Variants in TOM1L1 observed in about 807,000 individuals in gnomAD.
TOM1L1 encodes target of myb1 like 1 membrane trafficking protein.
In TOM1L1, 64 loss-of-function variants were observed where a neutral mutation model predicts 63.4. That is an observed-to-expected ratio of 1.01 (90% CI 0.83 to 1.24). TOM1L1 has a LOEUF of 1.24. TOM1L1 is among the 50% of genes most tolerant of loss of function. The pLI is 0.00. For synonymous variants in TOM1L1, 166 were observed against 194.4 expected (o/e 0.85, Z 1.22); for missense variants, 536 against 567.0 (o/e 0.95, Z 0.55).
chr17:54,924,648 C>T (rs1323487389), intron 7 of TOM1L1, among the ~76,000 whole-genome samples: 1 of 152,212 alleles, frequency 6.6e-6, no homozygotes, highest in Non-Finnish European at 1.5e-5. Flanking sequence ...GCATGGTCGT[C>T]AGCTGTCTTT....
intron 4 of TOM1L1, among the ~76,000 whole-genome samples, chr17:54,913,241 C>A (rs867767653): frequency 5.3e-5 from 8 of 152,178 alleles, no homozygotes; most frequent in Middle Eastern, 3.2e-3. Context: ...GCATGGAAAT[C>A]TGATTTAAAA....
chr17:54,957,146 T>C (rs1046491634), intron 14 of TOM1L1: 4 of 152,248 alleles, frequency 2.6e-5, no homozygotes, highest in Non-Finnish European at 4.4e-5. Context: ...CCCTCCTATC[T>C]GCTTCCAGCC....
chr17:54,937,167 G>C lies in TOM1L1; in HGVS notation c.974G>C (p.Arg325Pro), dbSNP rs199889989. Reference protein sequence around the residue: ...QDLLDLSPSPRMPRATLGELN... With the variant: ...QDLLDLSPSPPMPRATLGELN... ...CTCCTCGACCTAAGTCCCAGTCCCC[G>C]GATGCCTAGGGCCACTCTGGGAGAA... The change falls in exon 10 of 16, where the codon CGG becomes CCG. Residue 325 changes from arginine (R) to proline (P), a missense_variant. Physicochemically the swap from Arg to Pro is moderately radical, Grantham distance 103. Transcript: ENST00000575882. 1.2e-6 allele frequency: 2 copies of C among 1,613,006 alleles called. No homozygotes were observed. The highest frequency in any genetic ancestry group is 1.1e-5 in the South Asian group (1 of 91,038).
Position 54,961,614 on chromosome 17 carries a change from A to G in TOM1L1, c.*381A>G. On this transcript the variant is annotated 3_prime_UTR_variant, in exon 16 of 16. Coordinates refer to ENST00000575882, the MANE Select transcript of TOM1L1 (RefSeq NM_005486.3). ...TATGAAATAATTCTGAATAGATGAAAGCATAAAATGTGAGAAACTGAATGT... is the reference window on the plus strand; with the variant it reads ...TATGAAATAATTCTGAATAGATGAAGGCATAAAATGTGAGAAACTGAATGT... 8.7e-7 allele frequency: 1 copy of G among 1,144,746 alleles called. No homozygotes were observed. The highest frequency in any genetic ancestry group is 1.1e-6 in the Non-Finnish European group (1 of 931,466). The allele number at this position is 1,144,746 out of a possible 1,614,324, so 70.9% of individuals were successfully genotyped here.
At chr17:54,927,644 T>C (rs1218718666) in intron 7 of TOM1L1, among the ~76,000 whole-genome samples, 5 of 152,138 alleles carry the variant, frequency 3.3e-5, no homozygotes, top group Non-Finnish European at 5.9e-5. Flanking sequence ...CCAGCAGCTG[T>C]TGTTCTGTAT....
intron 11 of TOM1L1, among the ~76,000 whole-genome samples, chr17:54,943,750 G>A (rs896490928): frequency 4.0e-5 from 6 of 151,774 alleles, no homozygotes; most frequent in African/African-American, 9.7e-5. Flanking sequence ...AGGCTGAGGC[G>A]GGCAGATCAT....
chr17:54,926,710 T>A (rs1486697033), intron 7 of TOM1L1, among the ~76,000 whole-genome samples: 1 of 152,100 alleles, frequency 6.6e-6, no homozygotes, highest in Non-Finnish European at 1.5e-5. Context: ...GTCTTTACCA[T>A]TCAGAAATGT....
At chr17:54,902,026 A>G (rs1413958639) in intron 1 of TOM1L1, among the ~76,000 whole-genome samples, 3 of 152,176 alleles carry the variant, frequency 2.0e-5, no homozygotes, top group Non-Finnish European at 4.4e-5. Context: ...ACTAACTGTC[A>G]GCTATGTGCC....
rs1228352535 is a variant in TOM1L1 at position 54,939,001 on chromosome 17, G to C, written c.1111G>C (p.Glu371Gln). The change falls in exon 11 of 16, where the codon GAG (glutamate) becomes CAG (glutamine). Residue 371 changes from glutamate (E) to glutamine (Q), a missense_variant. Glu to Gln is a conservative substitution (Grantham distance 29). Coordinates refer to ENST00000575882, the MANE Select transcript of TOM1L1 (RefSeq NM_005486.3). Reference sequence around the variant, plus strand: ...TCCACAGATGAACTTGCTAGCCTTGGAGAATACAGAGATACCCCCGTAAGT... The same window carrying C: ...TCCACAGATGAACTTGCTAGCCTTGCAGAATACAGAGATACCCCCGTAAGT... ...LHPQMNLLAL[E>Q]NTEIPPFAQR... 6.2e-7 allele frequency: 1 copy of C among 1,607,578 alleles called. No homozygotes were observed. Among genetic ancestry groups the C allele is most frequent in the Non-Finnish European group, 8.5e-7 (1 of 1,174,820 alleles).
In TOM1L1 at chr17:54,930,404, CTAGT is replaced by C. The variant is rs997755272; in HGVS notation, c.854+201_854+204del. ...TCAGTAAATGCTAGAGGTCTTTCTC[CTAGT>C]TAAAGTGACATTTCAGCCCAGCATG... On this transcript the variant is annotated intron_variant, in intron 8 of 15. Coordinates refer to ENST00000575882, the MANE Select transcript of TOM1L1 (RefSeq NM_005486.3). The C allele has an allele frequency of 2.3e-5, 14 of 595,896 alleles. No individual in the cohort carries two copies. In the African/African-American group the frequency reaches 2.5e-4, roughly 10 times the overall value. 36.9% of individuals were successfully genotyped at this position (595,896 alleles called of 1,614,324 possible).
chr17:54,901,083 C>G (rs2143703964), intron 1 of TOM1L1, 160 bp downstream of exon 1: 1 of 954,244 alleles, frequency 1.0e-6, no homozygotes, highest in East Asian at 2.6e-5. Flanking sequence ...TCCACCCGGC[C>G]CCCTTTCGTC....
chr17:54,961,664 C>T lies in TOM1L1; in HGVS notation c.*431C>T. 9.4e-7 allele frequency: 1 copy of T among 1,058,974 alleles called. No homozygotes were observed. The highest frequency in any genetic ancestry group is 1.1e-6 in the Non-Finnish European group (1 of 876,778). The allele number at this position is 1,058,974 out of a possible 1,614,324, so 65.6% of individuals were successfully genotyped here. A position where few individuals can be genotyped will look rare whatever the true frequency, so the allele number is the denominator to read the frequency against. On this transcript the variant is annotated 3_prime_UTR_variant, in exon 16 of 16. Coordinates refer to ENST00000575882, the MANE Select transcript of TOM1L1 (RefSeq NM_005486.3). ...TATTATTCAGGAAGAATACTGAGTGCCTTCATTTAACTAAAGTTGAATGTA... is the reference window on the plus strand; with the variant it reads ...TATTATTCAGGAAGAATACTGAGTGTCTTCATTTAACTAAAGTTGAATGTA...
chr17:54,911,708 A>C, intron 3 of TOM1L1, among the ~76,000 whole-genome samples: 1 of 152,158 alleles, frequency 6.6e-6, no homozygotes, highest in African/African-American at 2.4e-5. Context: ...AACATGCCTG[A>C]AATAGTGCAT....
chr17:54,914,024 C>A, intron 5 of TOM1L1, 151 bp downstream of exon 5: 2 of 955,956 alleles, frequency 2.1e-6, no homozygotes, highest in South Asian at 2.0e-5. Flanking sequence ...ATAACCGAGA[C>A]TTGGGATTTT....
intron 14 of TOM1L1, chr17:54,959,197 C>T (rs1423240871): frequency 1.3e-5 from 2 of 152,182 alleles, no homozygotes; most frequent in African/African-American, 2.4e-5. Context: ...ACTTGGTGAT[C>T]ATGGTTTCAT....
At chr17:54,913,994 A>G (rs2048542005) in intron 5 of TOM1L1, 121 bp downstream of exon 5, 1 of 1,127,688 alleles carries the variant, frequency 8.9e-7, no homozygotes, top group Non-Finnish European at 1.2e-6. Context: ...TATTAGAAGG[A>G]TATTGCAATA....
At chr17:54,920,206 G>C (rs1275002670) in intron 7 of TOM1L1, among the ~76,000 whole-genome samples, 3 of 152,088 alleles carry the variant, frequency 2.0e-5, no homozygotes, top group Non-Finnish European at 2.9e-5. Context: ...TAAGCCTAGG[G>C]AGTCATCAGC....
chr17:54,922,674 G>A (rs571660104), intron 7 of TOM1L1, among the ~76,000 whole-genome samples: 46 of 152,278 alleles, frequency 3.0e-4, no homozygotes, highest in Non-Finnish European at 5.0e-4. Flanking sequence ...TTAAGTGGAC[G>A]TGGGTCATAA....
intron 1 of TOM1L1, among the ~76,000 whole-genome samples, chr17:54,903,058 A>T (rs901557735): frequency 6.6e-6 from 1 of 152,198 alleles, no homozygotes; most frequent in Non-Finnish European, 1.5e-5. Flanking sequence ...TAATTGGTAA[A>T]ATTAGAAGGA....
Sources: gnomAD v4.1 joint callset for allele counts (sites outside exome capture counted in the v4.1 genomes callset) on GRCh38, gnomAD v4.1.1 for gene constraint, MANE v1.5 for transcripts, NCBI Gene and HGNC (gene_info 2026-07-23, HGNC 2026-07-21) for gene names.